The following RANBP2 variants were observed in gnomAD, a reference collection of about 807,000 sequenced individuals.
RANBP2 encodes the protein E3 SUMO-protein ligase RanBP2.
Under a neutral mutation model 303.6 loss-of-function variants are expected in RANBP2, and 57 were observed. That is an observed-to-expected ratio of 0.19 (90% CI 0.15 to 0.23). RANBP2 has a LOEUF of 0.23. Among genes scored for constraint, RANBP2 ranks in the 10% least tolerant of loss-of-function variants. The probability of loss-of-function intolerance (pLI) is 1.00; values close to 1 mark genes in which losing one functional copy is unlikely to be tolerated. For missense variants in RANBP2, 3,138 were observed against 3,780.8 expected (o/e 0.83, Z 4.46); for synonymous variants, 1,167 against 1,301.5 (o/e 0.90, Z 2.23).
chr2:109,329,533 C>T, the RANBP2 span, among the ~76,000 whole-genome samples: 2 of 152,342 alleles, frequency 1.3e-5, 1 homozygote, highest in East Asian at 3.9e-4. Flanking sequence ...CCCCCATTCT[C>T]CCTTCCCTGC....
the RANBP2 span, among the ~76,000 whole-genome samples, chr2:108,833,564 A>G: frequency 6.6e-6 from 1 of 152,354 alleles, no homozygotes; most frequent in East Asian, 1.9e-4. Context: ...AGTCCATGAC[A>G]AAGGTCAGCA....
the RANBP2 span, among the ~76,000 whole-genome samples, chr2:109,181,442 C>T: frequency 1.3e-3 from 193 of 152,254 alleles, no homozygotes; most frequent in African/African-American, 3.9e-3. Flanking sequence ...TTGCATCTGG[C>T]GCTGTAAGGG....
At chr2:109,355,814 G>A in the RANBP2 span, among the ~76,000 whole-genome samples, 4 of 152,172 alleles carry the variant, frequency 2.6e-5, no homozygotes, top group Non-Finnish European at 5.9e-5. Flanking sequence ...GTTTTGAGGA[G>A]GGGTATTTCT....
chr2:109,730,158 G>T, the RANBP2 span, among the ~76,000 whole-genome samples: 3 of 152,190 alleles, frequency 2.0e-5, no homozygotes, highest in Non-Finnish European at 4.4e-5. Flanking sequence ...CAGGTAGATT[G>T]TGAGGTTGAC....
intron 28 of RANBP2, 66 bp downstream of exon 28, chr2:108,782,928 T>A: frequency 7.0e-7 from 1 of 1,419,594 alleles, no homozygotes; most frequent in East Asian, 2.3e-5. Context: ...ATGGGAAATT[T>A]GAGTGTTTTT....
At chr2:109,607,076 C>T in the RANBP2 span, among the ~76,000 whole-genome samples, 2 of 152,170 alleles carry the variant, frequency 1.3e-5, no homozygotes, top group Middle Eastern at 3.2e-3. Context: ...TGCTCTTCTC[C>T]GCTAATCCAT....
At chr2:109,443,428 A>G in the RANBP2 span, among the ~76,000 whole-genome samples, 1 of 152,222 alleles carries the variant, frequency 6.6e-6, no homozygotes, top group Non-Finnish European at 1.5e-5. Context: ...TATGAGTGTC[A>G]GGCAACTCAA....
At chr2:109,469,813 G>C in the RANBP2 span, among the ~76,000 whole-genome samples, 81 of 152,344 alleles carry the variant, frequency 5.3e-4, no homozygotes, top group African/African-American at 1.7e-3. Flanking sequence ...TCAGAAGGTA[G>C]ATCCGAATTT....
intron 1 of RANBP2, among the ~76,000 whole-genome samples, chr2:108,726,165 G>A (rs139469649): frequency 0.059 from 9,023 of 152,176 alleles, 319 homozygotes; most frequent in South Asian, 0.15. Flanking sequence ...GAATAACATG[G>A]TAAAAATCTC....
the RANBP2 span, among the ~76,000 whole-genome samples, chr2:109,095,701 G>C: frequency 6.6e-6 from 1 of 152,132 alleles, no homozygotes; most frequent in Non-Finnish European, 1.5e-5. Flanking sequence ...TTCATCTGCT[G>C]TTTAACAGAA....
At chr2:108,946,900 T>C in the RANBP2 span, among the ~76,000 whole-genome samples, 1 of 151,886 alleles carries the variant, frequency 6.6e-6, no homozygotes, top group Non-Finnish European at 1.5e-5. Context: ...TCTCATCTTT[T>C]TTTTCACATT....
chr2:109,380,208 C>T, the RANBP2 span, among the ~76,000 whole-genome samples: 1 of 152,154 alleles, frequency 6.6e-6, no homozygotes, highest in African/African-American at 2.4e-5. Context: ...CCGGCTCGCC[C>T]TGATTTCTCT....
At chr2:109,086,586 G>A in the RANBP2 span, among the ~76,000 whole-genome samples, 2 of 152,116 alleles carry the variant, frequency 1.3e-5, no homozygotes, top group Non-Finnish European at 2.9e-5. Flanking sequence ...CCTGCCCATC[G>A]AGTGAGTCTT....
the RANBP2 span, chr2:108,906,371 G>A: frequency 6.2e-7 from 1 of 1,614,102 alleles, no homozygotes; most frequent in Non-Finnish European, 8.5e-7. Context: ...CTTTGAATCT[G>A]TGAAAAAGAG....
the RANBP2 span, among the ~76,000 whole-genome samples, chr2:109,480,841 G>A: frequency 3.3e-5 from 5 of 152,304 alleles, no homozygotes; most frequent in South Asian, 2.1e-4. Flanking sequence ...AGGGCGGTTC[G>A]CTGTTCTCTA....
the RANBP2 span, among the ~76,000 whole-genome samples, chr2:109,202,736 G>A: frequency 1.3e-5 from 2 of 152,234 alleles, no homozygotes; most frequent in Non-Finnish European, 2.9e-5. Context: ...CGGCCTTCCC[G>A]TGGGGCTGTC....
the RANBP2 span, among the ~76,000 whole-genome samples, chr2:109,373,262 G>A: frequency 5.3e-5 from 8 of 152,184 alleles, no homozygotes; most frequent in Non-Finnish European, 1.0e-4. Flanking sequence ...TTACAATGTC[G>A]TCCAGAAGTC....
At chr2:109,553,620 AG>A in the RANBP2 span, among the ~76,000 whole-genome samples, 1 of 151,670 alleles carries the variant, frequency 6.6e-6, no homozygotes, top group Non-Finnish European at 1.5e-5. Flanking sequence ...TGGGAGGCTG[AG>A]GTGGGCAGAT....
At chr2:109,540,662 G>GA in the RANBP2 span, among the ~76,000 whole-genome samples, 9,452 of 137,220 alleles carry the variant, frequency 0.069, 406 homozygotes, top group African/African-American at 0.12. Flanking sequence ...ACCAAAAAAG[G>GA]AAAAAAAAAA....
Sources: allele counts gnomAD v4.1 joint callset (sites outside exome capture counted in the v4.1 genomes callset), GRCh38; gene constraint gnomAD v4.1.1; transcripts MANE v1.5; gene names NCBI Gene and HGNC (gene_info 2026-07-23, HGNC 2026-07-21).